BAIAP2L2: variants seen among roughly 807,000 people sequenced by gnomAD.
The protein encoded by BAIAP2L2 is BAR/IMD domain-containing adapter protein 2-like 2.
A neutral mutation model predicts 60.4 loss-of-function variants in BAIAP2L2; 65 were observed. That is an observed-to-expected ratio of 1.08 (90% CI 0.88 to 1.32). The LOEUF is 1.32. Among genes scored for constraint, BAIAP2L2 ranks in the 40% most tolerant of loss-of-function variants. The probability of loss-of-function intolerance (pLI) is 0.00; values close to 1 mark genes in which losing one functional copy is unlikely to be tolerated. For synonymous variants in BAIAP2L2, 344 were observed against 301.7 expected (o/e 1.14, Z -1.45); for missense variants, 836 against 741.2 (o/e 1.13, Z -1.48).
rs1555966102 is a variant in BAIAP2L2, at chr22:38,094,821, G to GGGCCTGGGA, written c.612+2210_612+2211insTCCCAGGCC. Among the ~76,000 whole-genome samples the GGGCCTGGGA allele has an allele frequency of 4.1e-4, 61 of 150,386 alleles. 1 individual carries two copies. The highest frequency in any genetic ancestry group is 1.5e-3 in the African/African-American group (60 of 41,048). ...GGGTTCAGATCCAGAGACTCGGGGAGGGCGTGGGAGGCGTGGGAGGCGTGG... is the reference window on the plus strand; with the variant it reads ...GGGTTCAGATCCAGAGACTCGGGGAGGGCCTGGGAGGCGTGGGAGGCGTGGGAGGCGTGG... On this transcript the variant is annotated intron_variant, in intron 7 of 13. Coordinates refer to ENST00000381669, the MANE Select transcript of BAIAP2L2 (RefSeq NM_025045.6).
intron 4 of BAIAP2L2, among the ~76,000 whole-genome samples, chr22:38,103,455 A>G (rs780710610): frequency 8.1e-4 from 124 of 152,346 alleles, no homozygotes; most frequent in Non-Finnish European, 9.3e-4. Flanking sequence ...AACAAAAAGT[A>G]AAAACAGGGC....
At chr22:38,098,764 G>A (rs539037135) in intron 4 of BAIAP2L2, among the ~76,000 whole-genome samples, 1 of 152,284 alleles carries the variant, frequency 6.6e-6, no homozygotes, top group East Asian at 1.9e-4. Context: ...CTTAGTTTGT[G>A]CTTTGATGAC....
chr22:38,096,658 A>T (rs1377809886), intron 7 of BAIAP2L2, among the ~76,000 whole-genome samples: 1 of 152,210 alleles, frequency 6.6e-6, no homozygotes, highest in Non-Finnish European at 1.5e-5. Flanking sequence ...TCTGTCTCAA[A>T]AAATAAATAA....
At chr22:38,103,204 A>C (rs1429112040) in intron 4 of BAIAP2L2, among the ~76,000 whole-genome samples, 1 of 152,170 alleles carries the variant, frequency 6.6e-6, no homozygotes, top group Admixed American at 6.5e-5. Flanking sequence ...TGACAGAGTG[A>C]GACTCTGCCT....
At chr22:38,098,647 G>A (rs948730902) in intron 4 of BAIAP2L2, among the ~76,000 whole-genome samples, 165 bp from the exon 5 acceptor site, 5 of 152,196 alleles carry the variant, frequency 3.3e-5, no homozygotes, top group Non-Finnish European at 5.9e-5. Flanking sequence ...CCTGGCTGGA[G>A]GGAGGACGAA....
intron 6 of BAIAP2L2, among the ~76,000 whole-genome samples, chr22:38,097,634 C>A (rs562086026): frequency 6.6e-6 from 1 of 152,240 alleles, no homozygotes; most frequent in African/African-American, 2.4e-5. Context: ...GAGACAGAGG[C>A]CAGGGATGGG....
At chr22:38,100,933 G>A (rs148469850) in intron 4 of BAIAP2L2, among the ~76,000 whole-genome samples, 1 of 152,212 alleles carries the variant, frequency 6.6e-6, no homozygotes. Context: ...TGCAGAGATA[G>A]AAGTCAGAAA....
intron 7 of BAIAP2L2, among the ~76,000 whole-genome samples, chr22:38,093,458 C>A (rs186392973): frequency 6.6e-6 from 1 of 152,352 alleles, no homozygotes; most frequent in East Asian, 1.9e-4. Flanking sequence ...TCCTGAGGGA[C>A]CCTCACCCAC....
chr22:38,089,308 C>G (rs1033647046), intron 8 of BAIAP2L2, 77 bp from the exon 9 acceptor site: 1 of 569,814 alleles, frequency 1.8e-6, no homozygotes, highest in Non-Finnish European at 2.6e-6. Context: ...AGCCCCCACC[C>G]CCAGTCCCAG....
intron 4 of BAIAP2L2, among the ~76,000 whole-genome samples, chr22:38,104,620 C>T (rs144402192): frequency 0.21 from 31,837 of 151,006 alleles, 3,577 homozygotes; most frequent in African/African-American, 0.28. Flanking sequence ...CTCAGCCTCC[C>T]GAGTAGCTGG....
chr22:38,095,775 G>A (rs897559831), intron 7 of BAIAP2L2, among the ~76,000 whole-genome samples: 4 of 152,138 alleles, frequency 2.6e-5, no homozygotes, highest in Non-Finnish European at 5.9e-5. Context: ...TGGAAAATAG[G>A]TGGATATATA....
chr22:38,085,464 G>GTCCTGCC, intron 13 of BAIAP2L2, 89 bp from the exon 14 acceptor site: 1 of 1,432,956 alleles, frequency 7.0e-7, no homozygotes, highest in Non-Finnish European at 9.7e-7. Context: ...ACTGAGCTGG[G>GTCCTGCC]TCCTGCCTCC....
intron 9 of BAIAP2L2, 24 bp from the exon 10 acceptor site, chr22:38,088,988 C>T: frequency 1.4e-6 from 2 of 1,481,274 alleles, no homozygotes; most frequent in Non-Finnish European, 1.8e-6. Context: ...AGCGCGGCGG[C>T]ACGTGGGCAG....
intron 7 of BAIAP2L2, among the ~76,000 whole-genome samples, chr22:38,096,319 T>C (rs1419280361): frequency 1.3e-5 from 2 of 152,236 alleles, no homozygotes; most frequent in African/African-American, 2.4e-5. Flanking sequence ...GTCTGACTAG[T>C]CTAGCAGACA....
chr22:38,085,661 T>A, intron 13 of BAIAP2L2, 25 bp downstream of exon 13: 1 of 1,610,928 alleles, frequency 6.2e-7, no homozygotes, highest in Non-Finnish European at 8.5e-7. Context: ...CTCCTCACTG[T>A]TTGGGCCCCC....
rs5750537 is a variant in BAIAP2L2, at chr22:38,105,345, T to C, written c.276+2507A>G. On this transcript the variant is annotated intron_variant, in intron 4 of 13. Coordinates refer to ENST00000381669, the MANE Select transcript of BAIAP2L2 (RefSeq NM_025045.6). ...CTTCAGCCCTTTTTCTTTTCTTTTT[T>C]TTTTTTTTTTTTTTGAGACAGAGTC... Among the ~76,000 whole-genome samples, 4 of 56,532 alleles carry C rather than the reference T, an allele frequency of 7.1e-5. No homozygotes were observed. In the East Asian group the frequency reaches 1.7e-3, roughly 24 times the overall value. The allele number at this position is 56,532 out of a possible 152,430, so 37.1% of individuals were successfully genotyped here. A position where few individuals can be genotyped will look rare whatever the true frequency, so the allele number is the denominator to read the frequency against.
Position 38,085,668 on chromosome 22 carries a change from C to T in BAIAP2L2, c.1514+18G>A, listed in dbSNP as rs367874284. The T allele has an allele frequency of 4.6e-5, 74 of 1,612,632 alleles. No individual in the cohort carries two copies. The highest frequency in any genetic ancestry group is 5.9e-5 in the Non-Finnish European group (70 of 1,179,324). On this transcript the variant is annotated intron_variant, in intron 13 of 13. Transcript: ENST00000381669. ...CTGCCACCCTCCTCACTGTTTGGGC[C>T]CCCATGTGAGGACTCACCTCGGGAA...
chr22:38,102,740 T>G (rs1346392401), intron 4 of BAIAP2L2, among the ~76,000 whole-genome samples: 1 of 151,888 alleles, frequency 6.6e-6, no homozygotes, highest in Non-Finnish European at 1.5e-5. Context: ...AAAAAGAGTT[T>G]AAAAATTATC....
intron 7 of BAIAP2L2, among the ~76,000 whole-genome samples, chr22:38,092,308 G>C (rs2086323305): frequency 6.6e-6 from 1 of 152,166 alleles, no homozygotes; most frequent in Non-Finnish European, 1.5e-5. Context: ...AGCGAGCCTT[G>C]CTCTGTTGCC....
Sources: gnomAD v4.1 joint callset for allele counts (sites outside exome capture counted in the v4.1 genomes callset) on GRCh38, gnomAD v4.1.1 for gene constraint, MANE v1.5 for transcripts, NCBI Gene and HGNC (gene_info 2026-07-23, HGNC 2026-07-21) for gene names.